Variants in NDRG3 observed in about 807,000 individuals in gnomAD.
NDRG3 encodes the protein protein NDRG3.
A neutral mutation model predicts 57.2 loss-of-function variants in NDRG3; 23 were observed. The observed-to-expected ratio is 0.40, with a 90% CI of 0.29 to 0.57. The LOEUF (loss-of-function observed/expected upper bound fraction) is 0.57. Ranked by LOEUF, NDRG3 falls within the 20% of genes least tolerant of loss-of-function variation. The pLI, the probability that NDRG3 is intolerant of heterozygous loss-of-function variation, is 0.42. For missense variants in NDRG3, 384 were observed against 457.3 expected, an observed-to-expected ratio of 0.84 and a Z score of 1.46; for synonymous variants, 132 against 162.6, an observed-to-expected ratio of 0.81 and a Z score of 1.43.
rs557977629 is a variant in NDRG3, at chr20:36,689,878, G to A, written c.94-1094C>T. On this transcript the variant is annotated intron_variant, in intron 3 of 15. Coordinates refer to ENST00000349004, the MANE Select transcript of NDRG3 (RefSeq NM_032013.4). ...TGGGACTACAGGCACCTGCCACCAC[G>A]CCCAGCTAATTTTTTGTATTTTTAG... Among the ~76,000 whole-genome samples the A allele has an allele frequency of 5.3e-5, 8 of 151,952 alleles. No individual in the cohort carries two copies. In the South Asian group the frequency reaches 1.7e-3, roughly 32 times the overall value.
intron 8 of NDRG3, among the ~76,000 whole-genome samples, chr20:36,679,658 C>A (rs1981074370): frequency 6.6e-6 from 1 of 151,646 alleles, no homozygotes; most frequent in Non-Finnish European, 1.5e-5. Context: ...CACCCACCAC[C>A]ACGCCCGGCT....
intron 1 of NDRG3, among the ~76,000 whole-genome samples, chr20:36,735,730 T>C (rs1985571053): frequency 6.6e-6 from 1 of 152,114 alleles, no homozygotes; most frequent in South Asian, 2.1e-4. Context: ...GCAGGGCACC[T>C]GTAATCCCAG....
intron 1 of NDRG3, among the ~76,000 whole-genome samples, chr20:36,729,793 G>A (rs1222529825): frequency 6.6e-6 from 1 of 151,954 alleles, no homozygotes; most frequent in Non-Finnish European, 1.5e-5. Context: ...CTCCCAAAGT[G>A]CTAGAATTAC....
intron 1 of NDRG3, among the ~76,000 whole-genome samples, chr20:36,745,726 G>A (rs1986156268): frequency 6.6e-6 from 1 of 152,240 alleles, no homozygotes; most frequent in South Asian, 2.1e-4. Context: ...GAGCCAGAGC[G>A]AGAGAAGGGT....
intron 3 of NDRG3, among the ~76,000 whole-genome samples, chr20:36,693,746 C>T (rs747596677): frequency 6.6e-6 from 1 of 151,688 alleles, no homozygotes; most frequent in Non-Finnish European, 1.5e-5. Context: ...GCCTGATGAT[C>T]TATCACTGTC....
At chr20:36,674,316 C>T (rs886703100) in intron 8 of NDRG3, among the ~76,000 whole-genome samples, 5 of 151,720 alleles carry the variant, frequency 3.3e-5, no homozygotes, top group Non-Finnish European at 5.9e-5. Context: ...TCTCCTCCTA[C>T]CTCAGCCTCC....
chr20:36,683,412 G>C (rs1011924507), intron 6 of NDRG3, among the ~76,000 whole-genome samples: 1 of 151,378 alleles, frequency 6.6e-6, no homozygotes, highest in Non-Finnish European at 1.5e-5. Context: ...TGAGGAGTTC[G>C]AGGTCAGCCT....
Position 36,705,825 on chromosome 20 carries a change from A to G in NDRG3, c.93+1147T>C, listed in dbSNP as rs986081189. Among the ~76,000 whole-genome samples, 60 of 152,162 alleles carry G rather than the reference A, an allele frequency of 3.9e-4. 1 individual carries two copies. Among genetic ancestry groups the G allele is most frequent in the African/African-American group, 1.3e-3 (56 of 41,510 alleles). ...AGTGTGGTGGTGTTAGCTCACTGCA[A>G]CTTCTGCCTCCCAGGTTCAAGCAAT... On this transcript the variant is annotated intron_variant, in intron 3 of 15. Coordinates refer to ENST00000349004, the MANE Select transcript of NDRG3 (RefSeq NM_032013.4).
chr20:36,696,640 G>A (rs1023610696), intron 3 of NDRG3, among the ~76,000 whole-genome samples: 12 of 151,758 alleles, frequency 7.9e-5, no homozygotes, highest in South Asian at 6.3e-4. Context: ...CTACAGACGC[G>A]CGCCACCATG....
chr20:36,671,138 C>T (rs1980115230), intron 9 of NDRG3, among the ~76,000 whole-genome samples: 1 of 152,194 alleles, frequency 6.6e-6, no homozygotes, highest in African/African-American at 2.4e-5. Flanking sequence ...ATGCTGTCTT[C>T]TCTCATAGCT....
chr20:36,675,893 G>A (rs1034480145), intron 8 of NDRG3, among the ~76,000 whole-genome samples: 1 of 152,106 alleles, frequency 6.6e-6, no homozygotes, highest in African/African-American at 2.4e-5. Context: ...CTGCAATGGT[G>A]TATTAGAACA....
At chr20:36,729,704 G>A (rs867574786) in intron 1 of NDRG3, among the ~76,000 whole-genome samples, 42 of 151,914 alleles carry the variant, frequency 2.8e-4, no homozygotes, top group Middle Eastern at 3.4e-3. Context: ...ATTTTTGTAC[G>A]TTTTGTAGTG....
At chr20:36,702,418 G>A (rs151024092) in intron 3 of NDRG3, among the ~76,000 whole-genome samples, 374 of 152,298 alleles carry the variant, frequency 2.5e-3, no homozygotes, top group African/African-American at 8.7e-3. Context: ...TTACAGGCGT[G>A]AGCGACCGCG....
intron 3 of NDRG3, among the ~76,000 whole-genome samples, chr20:36,699,061 C>T (rs951613417): frequency 6.6e-6 from 1 of 152,106 alleles, no homozygotes; most frequent in Non-Finnish European, 1.5e-5. Context: ...CTCACCTCAG[C>T]CTCCCAAGTA....
chr20:36,679,216 C>A (rs897337963), intron 8 of NDRG3, among the ~76,000 whole-genome samples: 1 of 152,214 alleles, frequency 6.6e-6, no homozygotes, highest in African/African-American at 2.4e-5. Flanking sequence ...ACCTCGGCCT[C>A]CCAAAGTATT....
intron 12 of NDRG3, among the ~76,000 whole-genome samples, chr20:36,660,763 T>TAA (rs1979135527): frequency 6.6e-6 from 1 of 151,938 alleles, no homozygotes; most frequent in Non-Finnish European, 1.5e-5. Context: ...GGTTTCACCG[T>TAA]GTTAGCCAGG....
chr20:36,676,382 T>TATG (rs1199340171), intron 8 of NDRG3, among the ~76,000 whole-genome samples: 3 of 152,266 alleles, frequency 2.0e-5, no homozygotes, highest in African/African-American at 7.2e-5. Context: ...TAAAATAACA[T>TATG]ACACATAACA....
At chr20:36,724,937 AAAAAC>A (rs574736192) in intron 1 of NDRG3, among the ~76,000 whole-genome samples, 5 of 151,528 alleles carry the variant, frequency 3.3e-5, no homozygotes, top group Admixed American at 1.3e-4. Context: ...TCAAAAATTT[AAAAAC>A]AAAACAAAAC....
chr20:36,695,726 G>C (rs1004056325), intron 3 of NDRG3, among the ~76,000 whole-genome samples: 1 of 152,178 alleles, frequency 6.6e-6, no homozygotes, highest in East Asian at 1.9e-4. Flanking sequence ...TGCACAGCGG[G>C]ACATGGAACT....
Sources: gnomAD v4.1 joint callset for allele counts (sites outside exome capture counted in the v4.1 genomes callset) on GRCh38, gnomAD v4.1.1 for gene constraint, MANE v1.5 for transcripts, NCBI Gene and HGNC (gene_info 2026-07-23, HGNC 2026-07-21) for gene names.